The following SGCZ variants were observed in gnomAD, a reference collection of about 807,000 sequenced individuals.
SGCZ encodes sarcoglycan zeta.
A neutral mutation model predicts 41.3 loss-of-function variants in SGCZ; 40 were observed. The observed-to-expected ratio is 0.97, with a 90% CI of 0.75 to 1.26. SGCZ has a LOEUF of 1.26. Ranked by LOEUF, SGCZ falls within the 50% of genes most tolerant of loss-of-function variation. The pLI is 0.00. For synonymous variants in SGCZ, 206 were observed against 137.5 expected, an observed-to-expected ratio of 1.50 and a Z score of -3.49; for missense variants, 552 against 369.8, an observed-to-expected ratio of 1.49 and a Z score of -4.04.
intron 1 of SGCZ, among the ~76,000 whole-genome samples, chr8:14,855,869 C>T (rs1418248020): frequency 6.6e-6 from 1 of 152,124 alleles, no homozygotes; most frequent in Non-Finnish European, 1.5e-5. Context: ...TCTGATGACT[C>T]ACAATGTTGG....
At chr8:14,550,727 T>C (rs150156287) in intron 2 of SGCZ, among the ~76,000 whole-genome samples, 16 of 152,126 alleles carry the variant, frequency 1.1e-4, no homozygotes, top group African/African-American at 3.9e-4. Context: ...TGCCATCAAT[T>C]CTTCCCAACT....
At chr8:14,915,457 T>C (rs1799405137) in intron 1 of SGCZ, among the ~76,000 whole-genome samples, 2 of 152,076 alleles carry the variant, frequency 1.3e-5, no homozygotes, top group South Asian at 2.1e-4. Context: ...GCTGCAGACA[T>C]AGACAAGCAA....
rs536077102 is a variant in SGCZ at position 14,600,822 on chromosome 8, T to G, written c.40-45896A>C. On this transcript the variant is annotated intron_variant, in intron 1 of 7. Coordinates refer to ENST00000382080, the MANE Select transcript of SGCZ (RefSeq NM_139167.4). ...ATAAAATTAACTCCATTGTTGTACT[T>G]AATACAAATTAAATCAATAGTAGAA... Among the ~76,000 whole-genome samples, 36 of 151,996 alleles carry G rather than the reference T, an allele frequency of 2.4e-4. No individual in the cohort carries two copies. The South Asian group carries it at 7.5e-3, about 31-fold the overall frequency.
chr8:14,214,493 A>G (rs938727746), intron 4 of SGCZ, among the ~76,000 whole-genome samples: 2 of 152,184 alleles, frequency 1.3e-5, no homozygotes, highest in African/African-American at 4.8e-5. Flanking sequence ...AATGTTAATC[A>G]TAGGAAAAAC....
intron 1 of SGCZ, among the ~76,000 whole-genome samples, chr8:14,632,358 T>G (rs1290504594): frequency 6.6e-6 from 1 of 151,950 alleles, no homozygotes. Context: ...TTATCTACCA[T>G]TATTAAAATA....
chr8:14,929,657 C>G (rs114617268), intron 1 of SGCZ, among the ~76,000 whole-genome samples: 1 of 152,136 alleles, frequency 6.6e-6, no homozygotes, highest in African/African-American at 2.4e-5. Flanking sequence ...CACTGTGGAA[C>G]CACCTTTTGT....
At chr8:14,387,628 C>T (rs920466779) in intron 2 of SGCZ, among the ~76,000 whole-genome samples, 1 of 151,870 alleles carries the variant, frequency 6.6e-6, no homozygotes, top group Non-Finnish European at 1.5e-5. Context: ...TGAATATTTG[C>T]AATTTTTATA....
intron 4 of SGCZ, among the ~76,000 whole-genome samples, chr8:14,208,547 C>T (rs1242897683): frequency 1.3e-5 from 2 of 152,090 alleles, no homozygotes; most frequent in Non-Finnish European, 2.9e-5. Flanking sequence ...AAGATATGTT[C>T]CTATCAAATT....
intron 1 of SGCZ, among the ~76,000 whole-genome samples, chr8:14,628,818 G>T (rs1267999855): frequency 1.3e-5 from 2 of 152,066 alleles, no homozygotes; most frequent in Admixed American, 1.3e-4. Context: ...AAATAAGAAA[G>T]TATATTTAAA....
intron 1 of SGCZ, among the ~76,000 whole-genome samples, chr8:14,809,764 A>G (rs1406617820): frequency 2.6e-5 from 4 of 152,152 alleles, no homozygotes; most frequent in Admixed American, 6.6e-5. Context: ...CTATCTGGGA[A>G]AAACTTTCTA....
At chr8:14,525,389 T>C (rs1449313382) in intron 2 of SGCZ, among the ~76,000 whole-genome samples, 2 of 152,150 alleles carry the variant, frequency 1.3e-5, no homozygotes, top group Admixed American at 1.3e-4. Context: ...TCCAAGAATT[T>C]GGAAGCAATT....
chr8:14,434,531 G>T (rs190694925), intron 2 of SGCZ, among the ~76,000 whole-genome samples: 1 of 152,218 alleles, frequency 6.6e-6, no homozygotes, highest in East Asian at 1.9e-4. Flanking sequence ...GATGGCAATT[G>T]CATTGAATCT....
intron 1 of SGCZ, among the ~76,000 whole-genome samples, chr8:14,860,357 G>A (rs1464295530): frequency 6.6e-6 from 1 of 151,966 alleles, no homozygotes; most frequent in African/African-American, 2.4e-5. Flanking sequence ...AGTGTCTGGA[G>A]GTGGTAACTG....
chr8:14,354,489 C>A (rs1803221167), intron 2 of SGCZ, among the ~76,000 whole-genome samples: 1 of 151,700 alleles, frequency 6.6e-6, no homozygotes, highest in African/African-American at 2.4e-5. Context: ...AGGATAAGAT[C>A]TTACTTTTAG....
chr8:15,175,418 A>G (rs1327246027), intron 1 of SGCZ, among the ~76,000 whole-genome samples: 1 of 152,132 alleles, frequency 6.6e-6, no homozygotes, highest in East Asian at 1.9e-4. Flanking sequence ...CATTATCCGT[A>G]CCAAGCTAAC....
chr8:14,140,372 G>A (rs1367079940), intron 5 of SGCZ, among the ~76,000 whole-genome samples: 1 of 152,148 alleles, frequency 6.6e-6, no homozygotes, highest in Non-Finnish European at 1.5e-5. Flanking sequence ...AAAAGAGGAA[G>A]TCAAACTGTC....
At chr8:14,938,751 T>C (rs559122062) in intron 1 of SGCZ, among the ~76,000 whole-genome samples, 1 of 152,082 alleles carries the variant, frequency 6.6e-6, no homozygotes, top group African/African-American at 2.4e-5. Flanking sequence ...AATTCAGGAA[T>C]GGAAAACCAA....
At chr8:14,220,799 A>G (rs1806167038) in intron 4 of SGCZ, among the ~76,000 whole-genome samples, 1 of 151,748 alleles carries the variant, frequency 6.6e-6, no homozygotes, top group Non-Finnish European at 1.5e-5. Context: ...ACAAACAAAC[A>G]AACAAACAAA....
At chr8:14,955,841 TTA>T (rs1800774057) in intron 1 of SGCZ, among the ~76,000 whole-genome samples, 1 of 152,126 alleles carries the variant, frequency 6.6e-6, no homozygotes, top group African/African-American at 2.4e-5. Context: ...CACTTCTACT[TTA>T]TGAGTTGTCT....
Sources: allele counts gnomAD v4.1 joint callset (sites outside exome capture counted in the v4.1 genomes callset), GRCh38; gene constraint gnomAD v4.1.1; transcripts MANE v1.5; gene names NCBI Gene and HGNC (gene_info 2026-07-23, HGNC 2026-07-21).